ARID1B: variants seen among roughly 807,000 people sequenced by gnomAD.
ARID1B encodes AT-rich interactive domain-containing protein 1B.
ARID1B carries 30 observed loss-of-function variants against 212.3 expected under a neutral mutation model. That is an observed-to-expected ratio of 0.14 (90% CI 0.11 to 0.19). ARID1B has a LOEUF of 0.19. ARID1B is among the 10% of genes least tolerant of loss of function. The pLI is 1.00. For missense variants in ARID1B, 2,891 were observed against 3,204.0 expected (o/e 0.90, Z 2.36); for synonymous variants, 1,402 against 1,301.7 (o/e 1.08, Z -1.66).
At chr6:156,780,492 G>A (rs1291241032) in intron 1 of ARID1B, 1 of 152,246 alleles carries the variant, frequency 6.6e-6, no homozygotes, top group Non-Finnish European at 1.5e-5. Flanking sequence ...GAATTGTGGA[G>A]GTAAACTGGC....
At chr6:157,192,939 G>A (rs1425213635) in intron 15 of ARID1B, among the ~76,000 whole-genome samples, 16 of 152,132 alleles carry the variant, frequency 1.1e-4, no homozygotes, top group African/African-American at 2.7e-4. Flanking sequence ...ACTCTTTGTC[G>A]CTGTTGCTGC....
At chr6:156,942,049 T>A (rs1490448342) in intron 4 of ARID1B, 1 of 152,234 alleles carries the variant, frequency 6.6e-6, no homozygotes, top group African/African-American at 2.4e-5. Flanking sequence ...CTTTTTCATA[T>A]AGTATTCTGA....
chr6:157,036,408 A>G lies in ARID1B; in HGVS notation c.2248-48254A>G, dbSNP rs143765236. The G allele has an allele frequency of 3.8e-4, 65 of 170,300 alleles. 2 individuals are homozygous for G. The highest frequency in any genetic ancestry group is 1.3e-3 in the African/African-American group (56 of 41,984). The allele number at this position is 170,300 out of a possible 1,614,324, so 10.5% of individuals were successfully genotyped here. A position where few individuals can be genotyped will look rare whatever the true frequency, so the allele number is the denominator to read the frequency against. On this transcript the variant is annotated intron_variant, in intron 4 of 19. Transcript: ENST00000636930. The stretch of plus-strand genomic sequence containing the variant: ...CGCTGCCCACTCTGATCTGAGCAGG[A>G]CAAGAATCTACTGGTAGCACACATG...
chr6:157,148,797 T>C lies in ARID1B; in HGVS notation c.2935T>C (p.Phe979Leu), dbSNP rs760095080. Reference protein sequence around the residue: ...MPSAGMQNRPFPGNMSSMTPS... With the variant: ...MPSAGMQNRPLPGNMSSMTPS... The stretch of plus-strand genomic sequence containing the variant: ...ATCAGCTGGGATGCAGAACAGACCA[T>C]TTCCTGGAAATATGAGCAGCATGAC... Residue 979 changes from phenylalanine to leucine, a missense_variant, in exon 8 of 20, where the codon TTT becomes CTT. Around this residue, in one of 7 missense-constraint regions of ARID1B, gnomAD observed 1,643 missense variants for 1,544.0 expected, o/e 1.06. Coordinates refer to ENST00000636930, the MANE Select transcript of ARID1B (RefSeq NM_001374828.1). This position sits in a 1 kb window ranked among gnomAD's most constrained non-coding sequence, Gnocchi z 5.6. 3.1e-6 allele frequency: 5 copies of C among 1,612,970 alleles called. No homozygotes were observed. The East Asian group carries it at 8.9e-5, about 29-fold the overall frequency.
intron 2 of ARID1B, among the ~76,000 whole-genome samples, chr6:156,893,480 T>A (rs940609271): frequency 3.3e-5 from 5 of 152,070 alleles, no homozygotes; most frequent in African/African-American, 1.2e-4. Context: ...AAGGAGACTA[T>A]CGAGAGAGTG....
intron 4 of ARID1B, among the ~76,000 whole-genome samples, chr6:157,076,375 C>CT (rs573479796): frequency 1.3e-4 from 20 of 151,602 alleles, no homozygotes; most frequent in Non-Finnish European, 2.8e-4. Context: ...AATGCAGAGG[C>CT]TATTCACAGG....
chr6:156,905,077 A>T (rs559438879), intron 3 of ARID1B, among the ~76,000 whole-genome samples: 1 of 152,150 alleles, frequency 6.6e-6, no homozygotes, highest in South Asian at 2.1e-4. Flanking sequence ...CTATAAATTT[A>T]TATATATTTT....
At chr6:156,863,408 A>G (rs1785470360) in intron 2 of ARID1B, among the ~76,000 whole-genome samples, 1 of 152,178 alleles carries the variant, frequency 6.6e-6, no homozygotes, top group African/African-American at 2.4e-5. Context: ...GTTGGATGGA[A>G]GAGAAGAATA....
At chr6:156,898,988 A>C (rs1262281920) in intron 2 of ARID1B, among the ~76,000 whole-genome samples, 1 of 152,176 alleles carries the variant, frequency 6.6e-6, no homozygotes, top group African/African-American at 2.4e-5. Flanking sequence ...GCAAACAAAG[A>C]GTTAGACTTT....
chr6:157,167,248 A>G (rs781491454), intron 9 of ARID1B, 63 bp downstream of exon 9: 40 of 1,541,592 alleles, frequency 2.6e-5, no homozygotes, highest in Non-Finnish European at 3.4e-5. Context: ...CTTAGGCTCC[A>G]CCAGTGAATC....
At chr6:156,881,694 A>G (rs1214099457) in intron 2 of ARID1B, among the ~76,000 whole-genome samples, 1 of 152,196 alleles carries the variant, frequency 6.6e-6, no homozygotes, top group Non-Finnish European at 1.5e-5. Flanking sequence ...GGAAGTAGTT[A>G]TAGCAATAAT....
At chr6:156,801,279 C>T (rs1179907675) in intron 1 of ARID1B, among the ~76,000 whole-genome samples, 6 of 148,606 alleles carry the variant, frequency 4.0e-5, no homozygotes, top group Non-Finnish European at 8.9e-5. Flanking sequence ...CGGCTCACTG[C>T]AACCTCTGCC....
At chr6:156,929,415 C>T (rs1339913089) in intron 3 of ARID1B, among the ~76,000 whole-genome samples, 1 of 152,186 alleles carries the variant, frequency 6.6e-6, no homozygotes, top group South Asian at 2.1e-4. Flanking sequence ...GGCTGTGTGG[C>T]CACCAGGCAT....
chr6:157,093,191 G>C (rs993099226), intron 5 of ARID1B, among the ~76,000 whole-genome samples: 1 of 152,198 alleles, frequency 6.6e-6, no homozygotes, highest in Non-Finnish European at 1.5e-5. Context: ...TTTGGAAAAT[G>C]GTGGGTAAAT....
intron 6 of ARID1B, among the ~76,000 whole-genome samples, chr6:157,132,293 C>G (rs1443729961): frequency 6.6e-6 from 1 of 152,154 alleles, no homozygotes; most frequent in Non-Finnish European, 1.5e-5. Flanking sequence ...GTGGGCGTCC[C>G]ATGTGTCTGA....
rs1401522529 is a variant in ARID1B, at chr6:156,915,693, C to G, written c.2136+14168C>G. On this transcript the variant is annotated intron_variant, in intron 3 of 19. Coordinates refer to ENST00000636930, the MANE Select transcript of ARID1B (RefSeq NM_001374828.1). ...GGCAGATCACTTGAGGCCAGGCGTTCAAGACTAGCCTGGCCAACATGGTGA... is the reference window on the plus strand; with the variant it reads ...GGCAGATCACTTGAGGCCAGGCGTTGAAGACTAGCCTGGCCAACATGGTGA... 3.9e-5 allele frequency among the ~76,000 whole-genome samples: 6 copies of G among 152,024 alleles called. 1 individual carries two copies. Among genetic ancestry groups the G allele is most frequent in the Non-Finnish European group, 5.9e-5 (4 of 68,014 alleles).
intron 8 of ARID1B, among the ~76,000 whole-genome samples, chr6:157,164,114 G>A (rs891175787): frequency 6.6e-6 from 1 of 152,130 alleles, no homozygotes; most frequent in Non-Finnish European, 1.5e-5. Flanking sequence ...ATCATTACCA[G>A]CCCCTCCCTG....
chr6:157,116,629 A>G (rs1787338356), intron 6 of ARID1B, among the ~76,000 whole-genome samples: 1 of 151,698 alleles, frequency 6.6e-6, no homozygotes, highest in African/African-American at 2.4e-5. Context: ...AGCAGAATGG[A>G]TGCTGCTCCA....
chr6:157,130,518 A>C (rs1391559357), intron 6 of ARID1B, among the ~76,000 whole-genome samples: 3 of 152,228 alleles, frequency 2.0e-5, no homozygotes, highest in Non-Finnish European at 4.4e-5. Flanking sequence ...AATGTTTTCT[A>C]TGATGGTTTA....
Sources: allele counts gnomAD v4.1 joint callset (sites outside exome capture counted in the v4.1 genomes callset), GRCh38; gene constraint gnomAD v4.1.1; regional missense constraint gnomAD v4.1.1; non-coding constraint Gnocchi (gnomAD v3.1); transcripts MANE v1.5; gene names NCBI Gene and HGNC (gene_info 2026-07-23, HGNC 2026-07-21).